Variants in PITPNC1 observed in about 807,000 individuals in gnomAD.
The protein encoded by PITPNC1 is phosphatidylinositol transfer protein cytoplasmic 1, also known as cytoplasmic phosphatidylinositol transfer protein 1.
PITPNC1 carries 18 observed loss-of-function variants against 44.7 expected under a neutral mutation model. The observed-to-expected ratio is 0.40, with a 90% confidence interval of 0.28 to 0.60. The LOEUF (loss-of-function observed/expected upper bound fraction) is 0.60, where lower values mean the gene tolerates loss of function less well. Ranked by LOEUF, PITPNC1 falls within the 20% of genes least tolerant of loss-of-function variation. PITPNC1 has a pLI of 0.39. For synonymous variants in PITPNC1, 141 were observed against 149.6 expected (o/e 0.94, Z 0.42); for missense variants, 290 against 418.4 (o/e 0.69, Z 2.68).
Position 67,585,840 on chromosome 17 carries a change from T to C in PITPNC1, c.366+7583T>C, listed in dbSNP as rs572541739. On this transcript the variant is annotated intron_variant, in intron 5 of 8. Transcript: ENST00000581322. Reference sequence around the variant, plus strand: ...AAGCAGACTCTTTGGGTGCAACACGTGAAGACGTAGGGAGAAGGCAGCCAT... The same window carrying C: ...AAGCAGACTCTTTGGGTGCAACACGCGAAGACGTAGGGAGAAGGCAGCCAT... Among the ~76,000 whole-genome samples the C allele has an allele frequency of 7.2e-5, 11 of 152,226 alleles. No homozygotes were observed. In the South Asian group the frequency reaches 2.3e-3, roughly 32 times the overall value.
intron 8 of PITPNC1, 95 bp from the exon 9 acceptor site, chr17:67,692,477 T>G (rs1414556334): frequency 1.2e-6 from 1 of 847,290 alleles, no homozygotes; most frequent in Non-Finnish European, 1.9e-6. Flanking sequence ...TATGATAGGG[T>G]TCCCATAGTT....
intron 1 of PITPNC1, among the ~76,000 whole-genome samples, chr17:67,476,616 C>T (rs1440153839): frequency 6.6e-6 from 1 of 152,008 alleles, no homozygotes; most frequent in African/African-American, 2.4e-5. Context: ...TAGTGGTTGG[C>T]TTCACTCTCA....
intron 1 of PITPNC1, among the ~76,000 whole-genome samples, chr17:67,395,694 A>G (rs1199452192): frequency 3.3e-5 from 5 of 152,314 alleles, no homozygotes; most frequent in Middle Eastern, 3.4e-3. Flanking sequence ...TAGCCTCCAT[A>G]AAAGTGACGC....
chr17:67,546,742 A>G (rs915321264), intron 2 of PITPNC1, among the ~76,000 whole-genome samples: 11 of 152,118 alleles, frequency 7.2e-5, no homozygotes, highest in South Asian at 2.1e-4. Flanking sequence ...CGTGAGTCCA[A>G]GTTCAAGGAA....
At chr17:67,434,315 G>T (rs1265372000) in intron 1 of PITPNC1, among the ~76,000 whole-genome samples, 1 of 152,196 alleles carries the variant, frequency 6.6e-6, no homozygotes, top group Non-Finnish European at 1.5e-5. Context: ...TCTGCTCTGT[G>T]CCTCTTTTGT....
In PITPNC1 at chr17:67,377,306, C is replaced by T. The variant is rs2037886607; in HGVS notation, c.-849C>T. 1 of 152,346 alleles carries T rather than the reference C, an allele frequency of 6.6e-6. No homozygotes were observed. The highest frequency in any genetic ancestry group is 1.5e-5 in the Non-Finnish European group (1 of 68,124). 9.4% of individuals were successfully genotyped at this position (152,346 alleles called of 1,614,324 possible). ...CCCGCACCCACCTCCCGGCCCCAGG[C>T]ACACTGCATCGGCGCGGACGCTCCG... On this transcript the variant is annotated 5_prime_UTR_variant, in exon 1 of 9. Transcript: ENST00000581322.
At chr17:67,417,267 A>G (rs2038603133) in intron 1 of PITPNC1, among the ~76,000 whole-genome samples, 1 of 152,040 alleles carries the variant, frequency 6.6e-6, no homozygotes, top group Admixed American at 6.6e-5. Context: ...AGCTAGGACT[A>G]CAGGGACATG....
At position 67,377,498 on chromosome 17, in the gene PITPNC1, G is replaced by C. The variant is rs1414315970; in HGVS notation, c.-657G>C. The C allele has an allele frequency of 6.5e-6, 1 of 153,714 alleles. No homozygotes were observed. 9.5% of individuals were successfully genotyped at this position (153,714 alleles called of 1,614,324 possible). ...GGGCCCCAGCCGGGCAGAGCCGAGC[G>C]GCGGCGGCGGCGGCGGCTTCCCTTT... On this transcript the variant is annotated 5_prime_UTR_variant, in exon 1 of 9. Transcript: ENST00000581322.
At chr17:67,422,549 CT>C (rs569027541) in intron 1 of PITPNC1, among the ~76,000 whole-genome samples, 1 of 152,154 alleles carries the variant, frequency 6.6e-6, no homozygotes, top group African/African-American at 2.4e-5. Context: ...CACTGTCTTT[CT>C]TTTTTTCTTT....
In PITPNC1 at chr17:67,632,567, CTCTTTTTTTTTTTTTTT is replaced by C. The variant is rs1004943254; in HGVS notation, c.462+344_462+360del. 48 of 219,072 alleles carry C rather than the reference CTCTTTTTTTTTTTTTTT, an allele frequency of 2.2e-4. No homozygotes were observed. In the East Asian group the frequency reaches 3.5e-3, roughly 16 times the overall value. 13.6% of individuals were successfully genotyped at this position (219,072 alleles called of 1,614,324 possible). ...ACAACAGTCTCCCCAATTACATGCG[CTCTTTTTTTTTTTTTTT>C]TCTTTTTTTTTTTTGAGATGGAGTC... is the stretch of plus-strand genomic sequence containing the variant. On this transcript the variant is annotated intron_variant, in intron 6 of 8. Transcript: ENST00000581322.
chr17:67,482,970 C>T (rs1233660793), intron 1 of PITPNC1, among the ~76,000 whole-genome samples: 1 of 151,044 alleles, frequency 6.6e-6, no homozygotes, highest in Non-Finnish European at 1.5e-5. Flanking sequence ...CCCTGCCGCC[C>T]TGTACCACAG....
intron 1 of PITPNC1, among the ~76,000 whole-genome samples, chr17:67,431,823 T>C (rs2038861261): frequency 6.6e-6 from 1 of 152,234 alleles, no homozygotes; most frequent in Admixed American, 6.5e-5. Context: ...TGAGTCACTC[T>C]GAAAACTTTT....
intron 1 of PITPNC1, among the ~76,000 whole-genome samples, chr17:67,514,342 G>A (rs1037223923): frequency 2.0e-5 from 3 of 151,856 alleles, no homozygotes; most frequent in South Asian, 2.1e-4. Context: ...TGAGATTACC[G>A]GCACCCACCA....
At chr17:67,547,476 A>G (rs182520993) in intron 2 of PITPNC1, among the ~76,000 whole-genome samples, 4 of 152,324 alleles carry the variant, frequency 2.6e-5, no homozygotes, top group Admixed American at 6.5e-5. Flanking sequence ...CGATCATGCC[A>G]CTGTACTCCA....
intron 1 of PITPNC1, among the ~76,000 whole-genome samples, chr17:67,472,193 C>A (rs886700100): frequency 2.6e-5 from 4 of 151,806 alleles, no homozygotes; most frequent in Non-Finnish European, 4.4e-5. Flanking sequence ...CAGAGTTACC[C>A]ACCGTAAGCT....
At chr17:67,590,814 G>A (rs539912960) in intron 5 of PITPNC1, among the ~76,000 whole-genome samples, 63 of 152,186 alleles carry the variant, frequency 4.1e-4, no homozygotes, top group Non-Finnish European at 7.8e-4. Context: ...TTAGCCGGGC[G>A]TGGTGGTGGG....
intron 1 of PITPNC1, among the ~76,000 whole-genome samples, chr17:67,452,692 CA>C (rs1487431237): frequency 3.9e-5 from 6 of 152,076 alleles, no homozygotes; most frequent in Admixed American, 1.3e-4. Flanking sequence ...AGGGTTTCAC[CA>C]TGTTGGCCAG....
intron 1 of PITPNC1, among the ~76,000 whole-genome samples, chr17:67,379,755 A>G (rs377270961): frequency 1.3e-5 from 2 of 152,148 alleles, no homozygotes; most frequent in Admixed American, 1.3e-4. Context: ...GGAGGCATGG[A>G]TCCCTCTACT....
At chr17:67,504,477 CA>C (rs1260061624) in intron 1 of PITPNC1, among the ~76,000 whole-genome samples, 1 of 152,184 alleles carries the variant, frequency 6.6e-6, no homozygotes, top group Non-Finnish European at 1.5e-5. Flanking sequence ...TATTGAAGAA[CA>C]AGTTTTCAAC....
Sources: allele counts gnomAD v4.1 joint callset (sites outside exome capture counted in the v4.1 genomes callset), GRCh38; gene constraint gnomAD v4.1.1; transcripts MANE v1.5; gene names NCBI Gene and HGNC (gene_info 2026-07-23, HGNC 2026-07-21).